EPC2: variants seen among roughly 807,000 people sequenced by gnomAD.
The protein encoded by EPC2 is enhancer of polycomb homolog 2.
In EPC2, 14 loss-of-function variants were observed where a neutral mutation model predicts 92.1. That is an observed-to-expected ratio of 0.15 (90% confidence interval 0.10 to 0.24). The LOEUF (loss-of-function observed/expected upper bound fraction) is 0.24, where lower values mean the gene tolerates loss of function less well. Among genes scored for constraint, EPC2 ranks in the 10% least tolerant of loss-of-function variants. EPC2 has a pLI of 1.00. For missense variants in EPC2, 755 were observed against 971.5 expected, an observed-to-expected ratio of 0.78 and a Z score of 2.96; for synonymous variants, 340 against 334.7, an observed-to-expected ratio of 1.02 and a Z score of -0.17.
At chr2:148,775,017 A>C (rs1683600039) in intron 10 of EPC2, among the ~76,000 whole-genome samples, 1 of 150,272 alleles carries the variant, frequency 6.7e-6, no homozygotes, top group South Asian at 2.1e-4. Flanking sequence ...TGAACCCGGG[A>C]GGCGGAGCTT....
chr2:148,752,854 A>G (rs1307000842), intron 3 of EPC2, among the ~76,000 whole-genome samples: 1 of 152,162 alleles, frequency 6.6e-6, no homozygotes, highest in Non-Finnish European at 1.5e-5. Context: ...TTCATACAAC[A>G]TACAGGTCAA....
chr2:148,664,085 A>G (rs1433882554), intron 1 of EPC2, among the ~76,000 whole-genome samples: 2 of 152,082 alleles, frequency 1.3e-5, no homozygotes, highest in Non-Finnish European at 2.9e-5. Context: ...GGAGTCTCTT[A>G]CTCTTAGTAT....
rs920136129 is a variant in EPC2 at position 148,697,746 on chromosome 2, CAAAAT to C, written c.313+7378_313+7382del. The stretch of plus-strand genomic sequence containing the variant: ...TGTGCACGCATACACTAGAAGAACA[CAAAAT>C]AAAAGGGTCAGCCAGGACCTTTGGG... On this transcript the variant is annotated intron_variant, in intron 2 of 13. Coordinates refer to ENST00000258484, the MANE Select transcript of EPC2 (RefSeq NM_015630.4). Among the ~76,000 whole-genome samples, 48 of 152,260 alleles carry C rather than the reference CAAAAT, an allele frequency of 3.2e-4. 2 individuals are homozygous for C. Among genetic ancestry groups the C allele is most frequent in the South Asian group, 4.1e-4 (2 of 4,820 alleles).
chr2:148,668,105 G>A (rs189962643), intron 1 of EPC2, among the ~76,000 whole-genome samples: 88 of 152,140 alleles, frequency 5.8e-4, no homozygotes, highest in Middle Eastern at 3.4e-3. Flanking sequence ...CACTATGTTG[G>A]CCAGGCTGGT....
chr2:148,645,893 C>T (rs1324295678), intron 1 of EPC2, among the ~76,000 whole-genome samples: 1 of 152,242 alleles, frequency 6.6e-6, no homozygotes, highest in African/African-American at 2.4e-5. Flanking sequence ...GGAAGCGAGC[C>T]GCCGGCGTTG....
At chr2:148,688,779 C>T (rs1255370639) in intron 1 of EPC2, among the ~76,000 whole-genome samples, 1 of 152,104 alleles carries the variant, frequency 6.6e-6, no homozygotes, top group Non-Finnish European at 1.5e-5. Flanking sequence ...TAAGCAGCTT[C>T]TATATTTTGG....
At chr2:148,658,976 A>G (rs1464794404) in intron 1 of EPC2, among the ~76,000 whole-genome samples, 4 of 151,888 alleles carry the variant, frequency 2.6e-5, no homozygotes, top group Non-Finnish European at 5.9e-5. Context: ...TGTATTTGTA[A>G]TAGATCATTA....
At position 148,775,146 on chromosome 2, in the gene EPC2, A is replaced by T. The variant is rs922507471; in HGVS notation, c.1720+3759A>T. On this transcript the variant is annotated intron_variant, in intron 10 of 13. Transcript: ENST00000258484. ...CCACTTCTCAAAGAGTAAAAGCAGGATAAAGAATAGATTGATTGTGGTGAA... is the reference window on the plus strand; with the variant it reads ...CCACTTCTCAAAGAGTAAAAGCAGGTTAAAGAATAGATTGATTGTGGTGAA... Among the ~76,000 whole-genome samples, 7 of 152,024 alleles carry T rather than the reference A, an allele frequency of 4.6e-5. No individual in the cohort carries two copies. In the South Asian group the frequency reaches 6.2e-4, roughly 13 times the overall value.
intron 2 of EPC2, among the ~76,000 whole-genome samples, chr2:148,726,753 GTTTTGTT>G (rs1002332417): frequency 1.7e-4 from 15 of 87,952 alleles, no homozygotes; most frequent in African/African-American, 4.3e-4. Flanking sequence ...TTTTTTTTTT[GTTTTGTT>G]TTTTGTTTTT....
At chr2:148,711,768 G>A (rs1348971156) in intron 2 of EPC2, among the ~76,000 whole-genome samples, 3 of 151,984 alleles carry the variant, frequency 2.0e-5, no homozygotes, top group South Asian at 2.1e-4. Flanking sequence ...TTGCTCTGTC[G>A]TTAGGCACAT....
intron 8 of EPC2, 148 bp from the exon 9 acceptor site, chr2:148,770,644 C>A: frequency 1.1e-6 from 1 of 872,856 alleles, no homozygotes; most frequent in Non-Finnish European, 1.6e-6. Context: ...GATTAATAGT[C>A]AATGAAGCCC....
chr2:148,779,661 T>G (rs774658848), intron 10 of EPC2, among the ~76,000 whole-genome samples: 2 of 152,224 alleles, frequency 1.3e-5, no homozygotes, highest in Non-Finnish European at 2.9e-5. Context: ...ACTTAAAAGA[T>G]TTTAGAAAGA....
At chr2:148,653,433 G>T (rs1372359800) in intron 1 of EPC2, among the ~76,000 whole-genome samples, 2 of 152,148 alleles carry the variant, frequency 1.3e-5, no homozygotes, top group East Asian at 3.8e-4. Flanking sequence ...GTTGATCATC[G>T]ATTATTTGCC....
intron 1 of EPC2, among the ~76,000 whole-genome samples, chr2:148,648,531 C>T (rs1432162697): frequency 1.3e-5 from 2 of 152,082 alleles, no homozygotes; most frequent in East Asian, 1.9e-4. Context: ...AACAAACAAA[C>T]CAACCTTGGC....
At chr2:148,711,104 T>C (rs1682134024) in intron 2 of EPC2, among the ~76,000 whole-genome samples, 1 of 152,012 alleles carries the variant, frequency 6.6e-6, no homozygotes, top group Non-Finnish European at 1.5e-5. Context: ...TAATTTCTCC[T>C]CTTTTTTTTT....
intron 7 of EPC2, 29 bp downstream of exon 7, chr2:148,765,175 T>C (rs1332876507): frequency 4.8e-6 from 7 of 1,457,348 alleles, no homozygotes; most frequent in East Asian, 2.4e-5. Context: ...TTTAAAGATA[T>C]TTCTTCTTAG....
chr2:148,665,884 G>A (rs1226861703), intron 1 of EPC2, among the ~76,000 whole-genome samples: 1 of 152,014 alleles, frequency 6.6e-6, no homozygotes, highest in East Asian at 1.9e-4. Flanking sequence ...TAGTAAATGG[G>A]CACTTATCTG....
intron 2 of EPC2, among the ~76,000 whole-genome samples, chr2:148,711,551 C>T (rs1476345150): frequency 6.6e-6 from 1 of 151,830 alleles, no homozygotes; most frequent in Non-Finnish European, 1.5e-5. Flanking sequence ...AAAGTGTGTT[C>T]TGCTCTTTTT....
chr2:148,759,491 G>T (rs1683259357), intron 4 of EPC2, among the ~76,000 whole-genome samples: 1 of 152,126 alleles, frequency 6.6e-6, no homozygotes, highest in Non-Finnish European at 1.5e-5. Flanking sequence ...GACAATTGTT[G>T]AAATATGAAT....
Sources: gnomAD v4.1 joint callset for allele counts (sites outside exome capture counted in the v4.1 genomes callset) on GRCh38, gnomAD v4.1.1 for gene constraint, MANE v1.5 for transcripts, NCBI Gene and HGNC (gene_info 2026-07-23, HGNC 2026-07-21) for gene names.